The following NRG3 variants were observed in gnomAD, a reference collection of about 807,000 sequenced individuals.
NRG3 encodes pro-neuregulin-3, membrane-bound isoform.
A neutral mutation model predicts 66.9 loss-of-function variants in NRG3; 31 were observed. That is an observed-to-expected ratio of 0.46 (90% CI 0.35 to 0.63). The LOEUF is 0.63. Ranked by LOEUF, NRG3 falls within the 20% of genes least tolerant of loss-of-function variation. NRG3 has a pLI of 0.00. For synonymous variants in NRG3, 393 were observed against 359.4 expected, an observed-to-expected ratio of 1.09 and a Z score of -1.06; for missense variants, 910 against 878.9, an observed-to-expected ratio of 1.04 and a Z score of -0.45.
chr10:82,362,385 T>G (rs935351738), intron 2 of NRG3, among the ~76,000 whole-genome samples: 3 of 147,942 alleles, frequency 2.0e-5, no homozygotes, highest in Admixed American at 6.8e-5. Flanking sequence ...GTGTATTTTA[T>G]TTTTCTGAGA....
chr10:82,829,581 A>G (rs2135658083), intron 3 of NRG3, among the ~76,000 whole-genome samples: 1 of 152,264 alleles, frequency 6.6e-6, no homozygotes, highest in Admixed American at 6.5e-5. Flanking sequence ...GGTAGTAAGA[A>G]CTAGGGAACC....
chr10:82,012,332 C>T lies in NRG3; in HGVS notation c.823+136169C>T, dbSNP rs148332308. ...CCTAGGCTACAAAGAGCAGGGGGAC[C>T]CTGGTCCCAGCCCATGAAACCATTT... On this transcript the variant is annotated intron_variant, in intron 1 of 8. Coordinates refer to ENST00000372141, the MANE Select transcript of NRG3 (RefSeq NM_001010848.4). Among the ~76,000 whole-genome samples the T allele has an allele frequency of 7.2e-5, 11 of 151,880 alleles. No homozygotes were observed. The East Asian group carries it at 1.9e-3, about 27-fold the overall frequency.
intron 1 of NRG3, among the ~76,000 whole-genome samples, chr10:82,194,354 G>A (rs2074336042): frequency 6.6e-6 from 1 of 152,124 alleles, no homozygotes; most frequent in African/African-American, 2.4e-5. Context: ...ATTTTTGTAT[G>A]CAAGTAAGTG....
Position 81,992,039 on chromosome 10 carries a change from A to T in NRG3, c.823+115876A>T, listed in dbSNP as rs151321837. Among the ~76,000 whole-genome samples the T allele has an allele frequency of 3.2e-4, 48 of 152,190 alleles. 1 individual carries two copies. The East Asian group carries it at 7.5e-3, about 24-fold the overall frequency. On this transcript the variant is annotated intron_variant, in intron 1 of 8. Coordinates refer to ENST00000372141, the MANE Select transcript of NRG3 (RefSeq NM_001010848.4). ...CTCTTATTAGAAACATACCTATTGT[A>T]TTATTATTTTCAAGCAAAGAAAACA...
chr10:82,925,424 C>A (rs1923562), intron 4 of NRG3, among the ~76,000 whole-genome samples: 1 of 152,032 alleles, frequency 6.6e-6, no homozygotes, highest in Non-Finnish European at 1.5e-5. Context: ...GGTCCCAGCA[C>A]TGTTGAAAGG....
At chr10:82,874,542 G>A (rs748197308) in intron 4 of NRG3, among the ~76,000 whole-genome samples, 1 of 152,036 alleles carries the variant, frequency 6.6e-6, no homozygotes, top group Non-Finnish European at 1.5e-5. Context: ...TTGTGGAGGA[G>A]TGCCATTAAA....
chr10:82,731,052 G>A (rs1002772247), intron 2 of NRG3, among the ~76,000 whole-genome samples: 2 of 151,894 alleles, frequency 1.3e-5, no homozygotes, highest in African/African-American at 4.8e-5. Context: ...CTTTTAAATC[G>A]AGGGTAGTCT....
chr10:81,936,056 G>GT (rs1847839936), intron 1 of NRG3, among the ~76,000 whole-genome samples: 1 of 152,118 alleles, frequency 6.6e-6, no homozygotes, highest in South Asian at 2.1e-4. Context: ...TGTTCACCAT[G>GT]TAAGTGGGCA....
chr10:82,766,298 A>G (rs1371561691), intron 3 of NRG3, among the ~76,000 whole-genome samples: 2 of 152,130 alleles, frequency 1.3e-5, no homozygotes, highest in African/African-American at 4.8e-5. Flanking sequence ...CTTGGCTCTT[A>G]GGAGGGCCTT....
At chr10:82,241,228 A>C (rs2076996638) in intron 1 of NRG3, among the ~76,000 whole-genome samples, 1 of 152,132 alleles carries the variant, frequency 6.6e-6, no homozygotes, top group South Asian at 2.1e-4. Flanking sequence ...CTAAAAGATA[A>C]TTTCTTTGTC....
chr10:82,964,654 G>C (rs912660007), intron 6 of NRG3, among the ~76,000 whole-genome samples: 1 of 151,998 alleles, frequency 6.6e-6, no homozygotes, highest in African/African-American at 2.4e-5. Flanking sequence ...CCCCATACTC[G>C]GGCTCATAAG....
chr10:82,546,179 T>TAAAACAATA (rs1323777197), intron 2 of NRG3, among the ~76,000 whole-genome samples: 2 of 152,208 alleles, frequency 1.3e-5, no homozygotes, highest in Non-Finnish European at 2.9e-5. Context: ...AACAAAATCT[T>TAAAACAATA]GTTTTAAGAG....
chr10:82,563,090 A>C (rs1201382361), intron 2 of NRG3, among the ~76,000 whole-genome samples: 1 of 152,184 alleles, frequency 6.6e-6, no homozygotes, highest in African/African-American at 2.4e-5. Context: ...CAACAGCTAA[A>C]GATTTAGAAC....
chr10:82,214,917 T>C (rs2075586291), intron 1 of NRG3, among the ~76,000 whole-genome samples: 2 of 152,224 alleles, frequency 1.3e-5, no homozygotes, highest in South Asian at 4.1e-4. Context: ...TTTTTCCAGC[T>C]ATGGCATCAC....
At chr10:82,516,805 CT>C (rs1845703499) in intron 2 of NRG3, among the ~76,000 whole-genome samples, 1 of 152,026 alleles carries the variant, frequency 6.6e-6, no homozygotes, top group South Asian at 2.1e-4. Context: ...TTTTCAAATG[CT>C]TTTACAAGGG....
At chr10:82,900,878 A>AT (rs1450407904) in intron 4 of NRG3, among the ~76,000 whole-genome samples, 1 of 152,080 alleles carries the variant, frequency 6.6e-6, no homozygotes, top group Admixed American at 6.6e-5. Flanking sequence ...TTTTTCATGG[A>AT]TTTTGCCTTC....
intron 3 of NRG3, among the ~76,000 whole-genome samples, chr10:82,748,912 A>G (rs1286010631): frequency 1.3e-5 from 2 of 152,150 alleles, no homozygotes; most frequent in Non-Finnish European, 2.9e-5. Flanking sequence ...AAAATAGAAC[A>G]TGAAGAAGCA....
At chr10:82,263,352 T>C (rs1264961771) in intron 1 of NRG3, among the ~76,000 whole-genome samples, 1 of 152,222 alleles carries the variant, frequency 6.6e-6, no homozygotes, top group Admixed American at 6.5e-5. Context: ...GTTCATGCAC[T>C]CTGAATGAGA....
intron 1 of NRG3, among the ~76,000 whole-genome samples, chr10:82,240,207 TATA>T (rs2076947828): frequency 6.6e-6 from 1 of 152,090 alleles, no homozygotes; most frequent in African/African-American, 2.4e-5. Context: ...CCACTATCGA[TATA>T]ATGTGATTTT....
Sources: allele counts gnomAD v4.1 joint callset (sites outside exome capture counted in the v4.1 genomes callset), GRCh38; gene constraint gnomAD v4.1.1; transcripts MANE v1.5; gene names NCBI Gene and HGNC (gene_info 2026-07-23, HGNC 2026-07-21).